MPP7: variants seen among roughly 807,000 people sequenced by gnomAD.
The protein encoded by MPP7 is MAGUK p55 scaffold protein 7.
Under a neutral mutation model 76.5 loss-of-function variants are expected in MPP7, and 60 were observed. That is an observed-to-expected ratio of 0.78 (90% CI 0.64 to 0.97). MPP7 has a LOEUF of 0.97. Among genes scored for constraint, MPP7 ranks in the 50% least tolerant of loss-of-function variants. MPP7 has a pLI of 0.00. For missense variants in MPP7, 641 were observed against 694.0 expected (o/e 0.92, Z 0.86); for synonymous variants, 237 against 244.5 (o/e 0.97, Z 0.29).
intron 4 of MPP7, among the ~76,000 whole-genome samples, chr10:28,149,011 T>C (rs1835796086): frequency 6.6e-6 from 1 of 152,202 alleles, no homozygotes; most frequent in Admixed American, 6.5e-5. Context: ...GAAACATACT[T>C]GTAATCTTTG....
At chr10:28,080,383 C>A (rs999288201) in intron 12 of MPP7, among the ~76,000 whole-genome samples, 1 of 152,116 alleles carries the variant, frequency 6.6e-6, no homozygotes, top group Non-Finnish European at 1.5e-5. Flanking sequence ...AGAGTTTGCT[C>A]AGAATGGGGC....
intron 1 of MPP7, among the ~76,000 whole-genome samples, chr10:28,278,990 A>G (rs762571404): frequency 1.3e-5 from 2 of 152,078 alleles, no homozygotes; most frequent in South Asian, 4.1e-4. Flanking sequence ...CATATCTGAC[A>G]TATTCTGCCT....
intron 11 of MPP7, among the ~76,000 whole-genome samples, chr10:28,099,580 G>A (rs1181493709): frequency 3.3e-5 from 5 of 152,146 alleles, no homozygotes; most frequent in Non-Finnish European, 5.9e-5. Flanking sequence ...CGAGGCGGGT[G>A]GATCACCTGA....
At chr10:28,214,325 C>T (rs958274135) in intron 2 of MPP7, among the ~76,000 whole-genome samples, 3 of 152,200 alleles carry the variant, frequency 2.0e-5, no homozygotes, top group Admixed American at 6.5e-5. Flanking sequence ...ATGACTGCTA[C>T]TGCTGTCATG....
intron 3 of MPP7, among the ~76,000 whole-genome samples, chr10:28,195,163 T>C (rs903345347): frequency 6.6e-6 from 1 of 152,168 alleles, no homozygotes; most frequent in African/African-American, 2.4e-5. Context: ...TTTAGACATC[T>C]AGAAAATGCA....
chr10:28,166,039 A>AAG (rs1181164081), intron 3 of MPP7, among the ~76,000 whole-genome samples: 1 of 151,592 alleles, frequency 6.6e-6, no homozygotes, highest in Non-Finnish European at 1.5e-5. Context: ...AAAAAAAAAA[A>AAG]AAAGAATTTA....
At chr10:28,283,686 TG>T (rs1386839492) in intron 1 of MPP7, among the ~76,000 whole-genome samples, 1 of 151,964 alleles carries the variant, frequency 6.6e-6, no homozygotes. Flanking sequence ...AGCTAATTTT[TG>T]TATTTTTAGT....
intron 1 of MPP7, among the ~76,000 whole-genome samples, chr10:28,251,199 T>C (rs1367846784): frequency 1.3e-5 from 2 of 152,210 alleles, no homozygotes; most frequent in African/African-American, 4.8e-5. Context: ...GCACAGCGGC[T>C]CAAGCCTGTA....
At chr10:28,284,335 T>C (rs1840747209) in intron 1 of MPP7, among the ~76,000 whole-genome samples, 1 of 152,212 alleles carries the variant, frequency 6.6e-6, no homozygotes, top group Non-Finnish European at 1.5e-5. Flanking sequence ...CCAAGTCTTG[T>C]GTATTCAGTA....
At chr10:28,250,980 T>A (rs528511802) in intron 1 of MPP7, among the ~76,000 whole-genome samples, 3 of 152,218 alleles carry the variant, frequency 2.0e-5, no homozygotes, top group Non-Finnish European at 4.4e-5. Flanking sequence ...GGTGCCATGA[T>A]TTAATTTTTA....
intron 1 of MPP7, among the ~76,000 whole-genome samples, chr10:28,270,468 T>G (rs1024700899): frequency 1.4e-5 from 2 of 141,382 alleles, no homozygotes; most frequent in African/African-American, 5.3e-5. Context: ...GGAGGATCAC[T>G]TGAGCGCAGG....
chr10:28,114,712 T>G (rs575472066), intron 11 of MPP7, among the ~76,000 whole-genome samples: 1 of 152,250 alleles, frequency 6.6e-6, no homozygotes, highest in Non-Finnish European at 1.5e-5. Flanking sequence ...TCTGCAATAA[T>G]CCGCAACCAC....
At chr10:28,238,841 C>T (rs781560649) in intron 1 of MPP7, 106 bp from the exon 2 acceptor site, 17 of 488,438 alleles carry the variant, frequency 3.5e-5, no homozygotes, top group Non-Finnish European at 5.4e-5. Context: ...TTGGAGAGAT[C>T]GCAACTCTTC....
chr10:28,155,497 G>A (rs1836023649), intron 3 of MPP7, among the ~76,000 whole-genome samples: 1 of 150,700 alleles, frequency 6.6e-6, no homozygotes, highest in Non-Finnish European at 1.5e-5. Flanking sequence ...GGCTGAAGTG[G>A]GCAGACTGAT....
rs374998513 is a variant in MPP7, at chr10:28,284,328, A to G, written c.-132+18533T>C. 7.9e-5 allele frequency among the ~76,000 whole-genome samples: 12 copies of G among 152,324 alleles called. 1 individual carries two copies. Among genetic ancestry groups the G allele is most frequent in the African/African-American group, 2.9e-4 (12 of 41,584 alleles). On this transcript the variant is annotated intron_variant, in intron 1 of 16. Coordinates refer to ENST00000683449, the MANE Select transcript of MPP7 (RefSeq NM_001318170.2). ...ATAATCTTCTGTTGTCTAGGCACCA[A>G]GTCTTGTGTATTCAGTAATCACTCA...
At chr10:28,270,513 A>C (rs1488956409) in intron 1 of MPP7, among the ~76,000 whole-genome samples, 1 of 106,456 alleles carries the variant, frequency 9.4e-6, no homozygotes, top group African/African-American at 3.7e-5. Flanking sequence ...TAACAAGACT[A>C]TCTCTTTAAA....
At chr10:28,228,925 G>A (rs1164534821) in intron 2 of MPP7, among the ~76,000 whole-genome samples, 3 of 152,182 alleles carry the variant, frequency 2.0e-5, no homozygotes, top group African/African-American at 7.2e-5. Context: ...TCAAAGGGCT[G>A]ATGGCTGATG....
intron 11 of MPP7, among the ~76,000 whole-genome samples, chr10:28,105,264 C>T (rs1004041747): frequency 7.3e-5 from 11 of 149,902 alleles, no homozygotes; most frequent in African/African-American, 2.7e-4. Flanking sequence ...AACATCAGCC[C>T]TTGAAGAAAC....
rs559338804 is a variant in MPP7 at position 28,189,865 on chromosome 10, A to G, written c.156+12288T>C. Among the ~76,000 whole-genome samples the G allele has an allele frequency of 3.3e-5, 5 of 152,224 alleles. No individual in the cohort carries two copies. In the South Asian group the frequency reaches 1.0e-3, roughly 32 times the overall value. On this transcript the variant is annotated intron_variant, in intron 3 of 16. Coordinates refer to ENST00000683449, the MANE Select transcript of MPP7 (RefSeq NM_001318170.2). ...AAATGTGAATGATCTAAATATACCAATTAAAAAACAGAGACTGTCAGAATG... is the reference window on the plus strand; with the variant it reads ...AAATGTGAATGATCTAAATATACCAGTTAAAAAACAGAGACTGTCAGAATG...
Sources: gnomAD v4.1 joint callset for allele counts (sites outside exome capture counted in the v4.1 genomes callset) on GRCh38, gnomAD v4.1.1 for gene constraint, MANE v1.5 for transcripts, NCBI Gene and HGNC (gene_info 2026-07-23, HGNC 2026-07-21) for gene names.